RTL4: variants seen among roughly 807,000 people sequenced by gnomAD.
RTL4 encodes retrotransposon Gag-like protein 4.
Under a neutral mutation model 5.3 loss-of-function variants are expected in RTL4, and 4 were observed. The observed-to-expected ratio is 0.75, with a 90% confidence interval of 0.37 to 1.72. The LOEUF (loss-of-function observed/expected upper bound fraction) is 1.72. RTL4 is among the 40% of genes most tolerant of loss of function. RTL4 has a pLI of 0.04. For synonymous variants in RTL4, 98 were observed against 87.3 expected (o/e 1.12, Z -0.68); for missense variants, 260 against 227.1 (o/e 1.14, Z -0.93).
At chrX:112,418,907 AT>A in the RTL4 span, among the ~76,000 whole-genome samples, 1 of 108,471 alleles carries the variant, frequency 9.2e-6, no homozygotes, top group African/African-American at 3.4e-5. Flanking sequence ...AAAAATACTG[AT>A]TTTGTTACAT....
the RTL4 span, among the ~76,000 whole-genome samples, chrX:112,312,665 A>G: frequency 9.0e-6 from 1 of 111,451 alleles, no homozygotes; most frequent in Non-Finnish European, 1.9e-5. Flanking sequence ...AGCAGTTGAA[A>G]TCTTCATTGC....
At chrX:112,358,879 C>T in the RTL4 span, among the ~76,000 whole-genome samples, 2 of 111,719 alleles carry the variant, frequency 1.8e-5, no homozygotes, top group Non-Finnish European at 3.8e-5. Context: ...TTTGGTGATT[C>T]ATTTAGGCCA....
chrX:112,360,502 A>G, the RTL4 span, among the ~76,000 whole-genome samples: 1,658 of 111,288 alleles, frequency 0.015, 32 homozygotes, highest in African/African-American at 0.051. Flanking sequence ...CCAGATCACA[A>G]TAGTCCTAAG....
chrX:112,372,320 T>C, the RTL4 span, among the ~76,000 whole-genome samples: 7 of 112,085 alleles, frequency 6.2e-5, no homozygotes, highest in Non-Finnish European at 1.3e-4. Flanking sequence ...TTATTTTCTT[T>C]GCTATATAAT....
At chrX:112,338,402 C>T in the RTL4 span, among the ~76,000 whole-genome samples, 4 of 111,894 alleles carry the variant, frequency 3.6e-5, no homozygotes, top group South Asian at 3.7e-4. Flanking sequence ...TGCACAGTCT[C>T]GTGCACTCTA....
At chrX:112,189,224 A>T in the RTL4 span, among the ~76,000 whole-genome samples, 1 of 110,446 alleles carries the variant, frequency 9.1e-6, no homozygotes, top group East Asian at 2.8e-4. Flanking sequence ...CGAGACCCCA[A>T]CTCAATTTTT....
chrX:112,408,986 T>G, the RTL4 span, among the ~76,000 whole-genome samples: 1 of 112,451 alleles, frequency 8.9e-6, no homozygotes, highest in East Asian at 2.8e-4. Context: ...AGCTGAGAGA[T>G]ATCATCAACA....
At chrX:112,132,328 T>C in the RTL4 span, among the ~76,000 whole-genome samples, 970 of 111,031 alleles carry the variant, frequency 8.7e-3, 8 homozygotes, top group Middle Eastern at 0.014. Flanking sequence ...AATATTGCCA[T>C]ATCCTCAGTT....
chrX:112,358,299 G>A, the RTL4 span, among the ~76,000 whole-genome samples: 875 of 107,043 alleles, frequency 8.2e-3, 15 homozygotes, highest in African/African-American at 0.029. Flanking sequence ...TTTAGAGATG[G>A]GGTCTTGCCA....
At chrX:112,295,643 C>A in the RTL4 span, among the ~76,000 whole-genome samples, 1 of 112,412 alleles carries the variant, frequency 8.9e-6, no homozygotes, top group Non-Finnish European at 1.9e-5. Flanking sequence ...AAATTCAGTG[C>A]TATGAGCCTT....
chrX:112,453,354 C>T (rs1225560585), upstream of RTL4, among the ~76,000 whole-genome samples: 1 of 112,234 alleles, frequency 8.9e-6, no homozygotes, highest in Non-Finnish European at 1.9e-5. Flanking sequence ...AATAGTTCAA[C>T]TGCTATGCCA....
At chrX:112,249,788 T>G in the RTL4 span, among the ~76,000 whole-genome samples, 819 of 97,277 alleles carry the variant, frequency 8.4e-3, 5 homozygotes, top group African/African-American at 0.016. Flanking sequence ...TATATATATA[T>G]ATATAGAGAG....
At chrX:112,233,891 G>C in the RTL4 span, among the ~76,000 whole-genome samples, 48 of 111,717 alleles carry the variant, frequency 4.3e-4, no homozygotes, top group East Asian at 0.013. Flanking sequence ...ATGCCAATTT[G>C]CCTTAAAAAC....
the RTL4 span, among the ~76,000 whole-genome samples, chrX:112,382,502 A>G: frequency 8.9e-6 from 1 of 112,044 alleles, no homozygotes; most frequent in East Asian, 2.8e-4. Flanking sequence ...CATTTACCAT[A>G]CATCAAACTA....
At chrX:112,282,365 C>T in the RTL4 span, among the ~76,000 whole-genome samples, 3 of 112,041 alleles carry the variant, frequency 2.7e-5, no homozygotes, top group Non-Finnish European at 5.6e-5. Context: ...ATGCCAGCAT[C>T]ATGCTGTTTT....
At chrX:112,228,197 CA>C in the RTL4 span, among the ~76,000 whole-genome samples, 1 of 109,296 alleles carries the variant, frequency 9.1e-6, no homozygotes, top group East Asian at 2.9e-4. Flanking sequence ...GTAAGGATTT[CA>C]ATAATAAAAA....
the RTL4 span, among the ~76,000 whole-genome samples, chrX:112,415,201 C>G: frequency 5.4e-5 from 6 of 111,621 alleles, no homozygotes; most frequent in East Asian, 1.1e-3. Flanking sequence ...TCATGCCCTT[C>G]TCAATTACTT....
chrX:112,302,023 G>A, the RTL4 span, among the ~76,000 whole-genome samples: 1 of 109,467 alleles, frequency 9.1e-6, no homozygotes, highest in African/African-American at 3.3e-5. Flanking sequence ...AAGTTTGGGA[G>A]GCCAAGGTGG....
At chrX:112,154,346 G>T in the RTL4 span, among the ~76,000 whole-genome samples, 6 of 111,236 alleles carry the variant, frequency 5.4e-5, no homozygotes, top group Non-Finnish European at 7.6e-5. Flanking sequence ...GCTTCCTCAG[G>T]GACAATTTCT....
Sources: allele counts gnomAD v4.1 joint callset (sites outside exome capture counted in the v4.1 genomes callset), GRCh38; gene constraint gnomAD v4.1.1; transcripts MANE v1.5; gene names NCBI Gene and HGNC (gene_info 2026-07-23, HGNC 2026-07-21).